The following CNTNAP2 variants were observed in gnomAD, a reference collection of about 807,000 sequenced individuals.
The protein encoded by CNTNAP2 is contactin-associated protein-like 2.
A neutral mutation model predicts 155.2 loss-of-function variants in CNTNAP2; 98 were observed. The ratio of observed to expected loss-of-function variants is 0.63; its 90% CI spans 0.54 to 0.75. The LOEUF is 0.75. CNTNAP2 is among the 30% of genes least tolerant of loss of function. CNTNAP2 has a pLI of 0.00. For synonymous variants in CNTNAP2, 651 were observed against 631.2 expected, an observed-to-expected ratio of 1.03 and a Z score of -0.47; for missense variants, 1,727 against 1,688.1, an observed-to-expected ratio of 1.02 and a Z score of -0.40.
At chr7:146,405,545 T>A (rs1245426346) in intron 1 of CNTNAP2, among the ~76,000 whole-genome samples, 1 of 152,204 alleles carries the variant, frequency 6.6e-6, no homozygotes, top group Non-Finnish European at 1.5e-5. Flanking sequence ...ATAACTAATA[T>A]TACACGTAGG....
chr7:146,511,057 C>T (rs554449148), intron 1 of CNTNAP2, among the ~76,000 whole-genome samples: 1 of 152,134 alleles, frequency 6.6e-6, no homozygotes, highest in East Asian at 1.9e-4. Context: ...TCACCATGCC[C>T]AGCTAATTTT....
intron 17 of CNTNAP2, among the ~76,000 whole-genome samples, chr7:148,155,301 G>A (rs1042328725): frequency 1.4e-4 from 22 of 152,198 alleles, no homozygotes; most frequent in African/African-American, 5.3e-4. Context: ...AAGTTGAACA[G>A]GCAAGGAAGA....
Position 146,387,643 on chromosome 7 carries a change from A to G in CNTNAP2, c.97+270670A>G, listed in dbSNP as rs893353030. Among the ~76,000 whole-genome samples the G allele has an allele frequency of 3.9e-5, 6 of 152,292 alleles. No homozygotes were observed. The South Asian group carries it at 6.2e-4, about 16-fold the overall frequency. ...ACTGGTTGTGCCCAAACCCTACTGC[A>G]TAGTAGATGGGACTTAATATTTCCA... On this transcript the variant is annotated intron_variant, in intron 1 of 23. Transcript: ENST00000361727.
At chr7:146,729,749 A>G (rs929629049) in intron 1 of CNTNAP2, among the ~76,000 whole-genome samples, 3 of 152,034 alleles carry the variant, frequency 2.0e-5, no homozygotes, top group Non-Finnish European at 4.4e-5. Context: ...TCCATTTTCT[A>G]TGCAAAATGT....
intron 1 of CNTNAP2, among the ~76,000 whole-genome samples, chr7:146,253,741 A>G (rs1010570321): frequency 2.0e-5 from 3 of 152,196 alleles, no homozygotes; most frequent in Non-Finnish European, 4.4e-5. Flanking sequence ...TTGCTTCGTC[A>G]AACTGTTTTA....
chr7:148,018,761 G>A (rs1206855488), intron 15 of CNTNAP2, among the ~76,000 whole-genome samples: 1 of 152,130 alleles, frequency 6.6e-6, no homozygotes, highest in Non-Finnish European at 1.5e-5. Flanking sequence ...CTCATTTTTG[G>A]CACAAACAGA....
At chr7:148,056,833 A>G (rs1803021467) in intron 15 of CNTNAP2, among the ~76,000 whole-genome samples, 1 of 152,150 alleles carries the variant, frequency 6.6e-6, no homozygotes, top group South Asian at 2.1e-4. Context: ...AAGTAATGGG[A>G]TAAGGTACTT....
At chr7:147,452,491 A>T (rs577599223) in intron 10 of CNTNAP2, among the ~76,000 whole-genome samples, 18 of 152,322 alleles carry the variant, frequency 1.2e-4, no homozygotes, top group African/African-American at 4.3e-4. Flanking sequence ...AAATCTAATT[A>T]AAAGCACAAT....
At chr7:146,400,462 T>C (rs1298739132) in intron 1 of CNTNAP2, among the ~76,000 whole-genome samples, 4 of 152,194 alleles carry the variant, frequency 2.6e-5, no homozygotes, top group African/African-American at 7.2e-5. Flanking sequence ...GTTGTTTTAG[T>C]TATCTCTTAT....
chr7:147,118,459 T>C (rs959604439), intron 5 of CNTNAP2, among the ~76,000 whole-genome samples: 5 of 152,208 alleles, frequency 3.3e-5, no homozygotes, highest in African/African-American at 1.2e-4. Context: ...AAATATATAA[T>C]ATTAAGTAAA....
chr7:147,670,875 G>A (rs1362572311), intron 13 of CNTNAP2, among the ~76,000 whole-genome samples: 1 of 152,228 alleles, frequency 6.6e-6, no homozygotes, highest in African/African-American at 2.4e-5. Context: ...CCTCATGTGA[G>A]TAGGCAGAGG....
intron 1 of CNTNAP2, among the ~76,000 whole-genome samples, chr7:146,389,433 T>C (rs1795508025): frequency 6.6e-6 from 1 of 152,110 alleles, no homozygotes; most frequent in African/African-American, 2.4e-5. Flanking sequence ...TACTTTTTCC[T>C]ACTATCTTTT....
intron 14 of CNTNAP2, among the ~76,000 whole-genome samples, chr7:147,937,142 A>G (rs1882686): frequency 0.12 from 18,213 of 152,150 alleles, 1,461 homozygotes; most frequent in Middle Eastern, 0.26. Context: ...GAGGAGGAAG[A>G]CATGATAGGC....
chr7:147,911,754 T>G (rs1800070256), intron 14 of CNTNAP2, among the ~76,000 whole-genome samples: 1 of 152,226 alleles, frequency 6.6e-6, no homozygotes. Flanking sequence ...TGTCCTTAAG[T>G]TTTGCCTATT....
intron 10 of CNTNAP2, among the ~76,000 whole-genome samples, chr7:147,424,120 C>T (rs923624878): frequency 1.3e-5 from 2 of 152,182 alleles, no homozygotes; most frequent in African/African-American, 2.4e-5. Flanking sequence ...AATCCTACTT[C>T]ATTCCGCTGC....
chr7:147,413,481 G>A (rs570074051), intron 10 of CNTNAP2, among the ~76,000 whole-genome samples: 1 of 152,272 alleles, frequency 6.6e-6, no homozygotes, highest in African/African-American at 2.4e-5. Flanking sequence ...TGTGCCAAGA[G>A]GAGTACTCTC....
At chr7:147,711,236 T>C (rs931341824) in intron 13 of CNTNAP2, among the ~76,000 whole-genome samples, 2 of 152,174 alleles carry the variant, frequency 1.3e-5, no homozygotes, top group Admixed American at 1.3e-4. Context: ...GGATAATGAA[T>C]ATATTCTCCG....
intron 1 of CNTNAP2, among the ~76,000 whole-genome samples, chr7:146,657,105 T>C (rs1800008767): frequency 6.6e-6 from 1 of 152,204 alleles, no homozygotes; most frequent in Non-Finnish European, 1.5e-5. Context: ...AATACATGTA[T>C]ACTTGCTCAA....
At chr7:146,132,136 G>C (rs538940011) in intron 1 of CNTNAP2, among the ~76,000 whole-genome samples, 1 of 152,246 alleles carries the variant, frequency 6.6e-6, no homozygotes, top group East Asian at 1.9e-4. Context: ...ATCTCAGATT[G>C]TATCTGAGAT....
Sources: allele counts gnomAD v4.1 joint callset (sites outside exome capture counted in the v4.1 genomes callset), GRCh38; gene constraint gnomAD v4.1.1; transcripts MANE v1.5; gene names NCBI Gene and HGNC (gene_info 2026-07-23, HGNC 2026-07-21).